NYAP2: variants seen among roughly 807,000 people sequenced by gnomAD.
NYAP2 encodes the protein neuronal tyrosine-phosphorylated phosphoinositide-3-kinase adaptor 2, also known as neuronal tyrosine-phosphorylated phosphoinositide-3-kinase adapter 2.
A neutral mutation model predicts 50.4 loss-of-function variants in NYAP2; 23 were observed. The ratio of observed to expected loss-of-function variants is 0.46; its 90% CI spans 0.33 to 0.65. The LOEUF (loss-of-function observed/expected upper bound fraction) is 0.65. Ranked by LOEUF, NYAP2 falls within the 30% of genes least tolerant of loss-of-function variation. The pLI, the probability that NYAP2 is intolerant of heterozygous loss-of-function variation, is 0.02. For missense variants in NYAP2, 885 were observed against 861.0 expected (o/e 1.03, Z -0.35); for synonymous variants, 394 against 365.2 (o/e 1.08, Z -0.90).
intron 3 of NYAP2, among the ~76,000 whole-genome samples, chr2:225,455,132 A>G (rs1253281411): frequency 6.6e-6 from 1 of 152,150 alleles, no homozygotes; most frequent in Non-Finnish European, 1.5e-5. Flanking sequence ...AAAAAACCAC[A>G]TTATCCCCCA....
chr2:225,547,825 A>G (rs1691611046), intron 4 of NYAP2, among the ~76,000 whole-genome samples: 2 of 152,140 alleles, frequency 1.3e-5, no homozygotes, highest in Non-Finnish European at 2.9e-5. Context: ...TTTTGTGTGT[A>G]GACAGTTGTT....
intron 5 of NYAP2, among the ~76,000 whole-genome samples, chr2:225,622,518 C>T (rs1256814748): frequency 1.4e-5 from 1 of 70,398 alleles, no homozygotes; most frequent in South Asian, 6.8e-4. Context: ...TTCTTTCTTT[C>T]TTCTTTCTTT....
chr2:225,401,007 T>C (rs941565235), exon 2 of NYAP2: 6 of 8,384 alleles, frequency 7.2e-4, no homozygotes, highest in Admixed American at 2.6e-3. Flanking sequence ...CACCTTCTGG[T>C]TATTGCACTT....
chr2:225,691,525 T>C, the NYAP2 span, among the ~76,000 whole-genome samples: 17 of 152,296 alleles, frequency 1.1e-4, no homozygotes, highest in Admixed American at 9.2e-4. Context: ...TGAAGATATA[T>C]GTAAAAAAGC....
chr2:225,646,363 C>G (rs1260709640), intron 6 of NYAP2, among the ~76,000 whole-genome samples: 1 of 152,170 alleles, frequency 6.6e-6, no homozygotes, highest in Non-Finnish European at 1.5e-5. Context: ...ACCAGTCTGA[C>G]CAACATGGAG....
At chr2:225,446,374 C>A in intron 3 of NYAP2, among the ~76,000 whole-genome samples, 1 of 150,420 alleles carries the variant, frequency 6.6e-6, no homozygotes, top group African/African-American at 2.4e-5. Flanking sequence ...ATCTGGAGTA[C>A]TAAAACAAAA....
In NYAP2 at chr2:225,582,571, C is replaced by G; in HGVS notation, c.1154C>G (p.Ser385Cys). 2 of 1,593,640 alleles carry G rather than the reference C, an allele frequency of 1.3e-6. No individual in the cohort carries two copies. The highest frequency in any genetic ancestry group is 4.5e-5 in the East Asian group (2 of 44,026). ...GGGGCGTCGCCCTCCACGCTGCCGT[C>G]CCACGTCCCCGGCCATGCGAAACTG... The change falls in exon 5 of 7, where the codon TCC (serine) becomes TGC (cysteine). Residue 385 changes from serine (S) to cysteine (C), a missense_variant. Ser to Cys is a moderately radical substitution (Grantham distance 112). Transcript: ENST00000636099. This position sits in a 1 kb window ranked among gnomAD's most constrained non-coding sequence, Gnocchi z 7.0.
chr2:225,677,099 T>C, the NYAP2 span, among the ~76,000 whole-genome samples: 444 of 152,260 alleles, frequency 2.9e-3, 3 homozygotes, highest in African/African-American at 0.01. Flanking sequence ...AGCAGTGTTT[T>C]GTAGTTTTCC....
At chr2:225,488,280 A>T (rs778656763) in intron 3 of NYAP2, among the ~76,000 whole-genome samples, 10 of 152,242 alleles carry the variant, frequency 6.6e-5, no homozygotes, top group African/African-American at 1.2e-4. Flanking sequence ...TAAAAATAAA[A>T]TAAAACAGAT....
At position 225,544,127 on chromosome 2, in the gene NYAP2, T is replaced by A. The variant is rs537028228; in HGVS notation, c.523+30455T>A. On this transcript the variant is annotated intron_variant, in intron 4 of 6. Transcript: ENST00000636099. Reference sequence around the variant, plus strand: ...TATTTCTGTTTTTCTTTGGTTTCCATTGGCATGGAATATCTTTTTCCATGC... The same window carrying A: ...TATTTCTGTTTTTCTTTGGTTTCCAATGGCATGGAATATCTTTTTCCATGC... Among the ~76,000 whole-genome samples, 3 of 152,144 alleles carry A rather than the reference T, an allele frequency of 2.0e-5. No homozygotes were observed. In the East Asian group the frequency reaches 5.8e-4, roughly 29 times the overall value.
chr2:225,582,910 C>T lies in NYAP2; in HGVS notation c.1493C>T (p.Ala498Val). ...GCCGCGGTGAACACCTACGGGGCAG[C>T]CCCGGGTGGCTCCCGGTCCCGGACA... The change falls in exon 5 of 7, where the codon GCC (alanine) becomes GTC (valine). Residue 498 changes from alanine to valine, a missense_variant. Transcript: ENST00000636099. This position sits in a 1 kb window ranked among gnomAD's most constrained non-coding sequence, Gnocchi z 7.0. The T allele has an allele frequency of 6.2e-7, 1 of 1,613,234 alleles. No homozygotes were observed. The highest frequency in any genetic ancestry group is 1.1e-5 in the South Asian group (1 of 91,078).
At chr2:225,611,171 A>G (rs1273989119) in intron 5 of NYAP2, among the ~76,000 whole-genome samples, 1 of 152,132 alleles carries the variant, frequency 6.6e-6, no homozygotes, top group Admixed American at 6.5e-5. Context: ...GAAAGTCTGG[A>G]ATCAACCATC....
At chr2:225,673,050 G>T in the NYAP2 span, among the ~76,000 whole-genome samples, 1 of 151,712 alleles carries the variant, frequency 6.6e-6, no homozygotes, top group African/African-American at 2.4e-5. Flanking sequence ...TTACAGTTCC[G>T]CATGGCTGAG....
intron 5 of NYAP2, among the ~76,000 whole-genome samples, chr2:225,622,509 T>C (rs555293890): frequency 2.6e-4 from 7 of 26,964 alleles, no homozygotes; most frequent in East Asian, 1.5e-3. Context: ...TTCTTTTCTT[T>C]CTTTCTTTCT....
At chr2:225,459,286 TG>T in intron 3 of NYAP2, among the ~76,000 whole-genome samples, 1 of 152,342 alleles carries the variant, frequency 6.6e-6, no homozygotes, top group East Asian at 1.9e-4. Context: ...TGCACAACAA[TG>T]CAGTGTTGAC....
intron 4 of NYAP2, among the ~76,000 whole-genome samples, chr2:225,561,881 G>A (rs1278354311): frequency 6.6e-6 from 1 of 151,968 alleles, no homozygotes; most frequent in East Asian, 1.9e-4. Context: ...CCTGGAATTA[G>A]GGGCTATATA....
downstream of NYAP2, among the ~76,000 whole-genome samples, chr2:225,657,591 TA>T (rs78616843): frequency 0.036 from 2,806 of 77,098 alleles, 22 homozygotes; most frequent in South Asian, 0.061. Context: ...AAAACTGCTC[TA>T]AAAAAAAAAA....
At chr2:225,435,129 C>CT (rs1689355879) in intron 3 of NYAP2, among the ~76,000 whole-genome samples, 1 of 152,038 alleles carries the variant, frequency 6.6e-6, no homozygotes, top group Non-Finnish European at 1.5e-5. Context: ...GTGTGTTTTG[C>CT]TTTTTTCGGT....
intron 4 of NYAP2, among the ~76,000 whole-genome samples, chr2:225,536,219 G>T (rs1691347385): frequency 6.6e-6 from 1 of 152,180 alleles, no homozygotes; most frequent in Non-Finnish European, 1.5e-5. Context: ...AGCTGCTGCT[G>T]TCAGTCGGCC....
Sources: gnomAD v4.1 joint callset for allele counts (sites outside exome capture counted in the v4.1 genomes callset) on GRCh38, gnomAD v4.1.1 for gene constraint, Gnocchi (gnomAD v3.1) non-coding constraint, MANE v1.5 for transcripts, NCBI Gene and HGNC (gene_info 2026-07-23, HGNC 2026-07-21) for gene names.